The following YAP1 variants were observed in gnomAD, a reference collection of about 807,000 sequenced individuals.
YAP1 encodes the protein transcriptional coactivator YAP1.
A neutral mutation model predicts 56.9 loss-of-function variants in YAP1; 5 were observed. The ratio of observed to expected loss-of-function variants is 0.09; its 90% CI spans 0.05 to 0.18. YAP1 has a LOEUF of 0.18. YAP1 is among the 10% of genes least tolerant of loss of function. The probability of loss-of-function intolerance (pLI) is 1.00; values close to 1 mark genes in which losing one functional copy is unlikely to be tolerated. For synonymous variants in YAP1, 265 were observed against 248.1 expected (o/e 1.07, Z -0.64); for missense variants, 539 against 651.8 (o/e 0.83, Z 1.88).
At chr11:102,162,235 T>C (rs1802854573) in intron 2 of YAP1, among the ~76,000 whole-genome samples, 1 of 152,212 alleles carries the variant, frequency 6.6e-6, no homozygotes, top group African/African-American at 2.4e-5. Flanking sequence ...CAGGCATAAC[T>C]TTTTCAGATG....
chr11:102,230,700 T>G lies in YAP1; in HGVS notation c.*760T>G, dbSNP rs185872675. The G allele has an allele frequency of 1.0e-3, 154 of 152,252 alleles. No individual in the cohort carries two copies. The highest frequency in any genetic ancestry group is 1.4e-3 in the Non-Finnish European group (98 of 67,952). 9.4% of individuals were successfully genotyped at this position (152,252 alleles called of 1,614,324 possible). On this transcript the variant is annotated 3_prime_UTR_variant, in exon 9 of 9. Coordinates refer to ENST00000282441, the MANE Select transcript of YAP1 (RefSeq NM_001130145.3). ...TTTTTGGCAGGGTCGGTGGGGGGGT[T>G]GGTTGGTTGGTTGGTTTTGTCGGAA...
rs542951358 is a variant in YAP1 at position 102,110,751 on chromosome 11, C to T, written c.-98C>T. On this transcript the variant is annotated 5_prime_UTR_variant, in exon 1 of 9. Transcript: ENST00000282441. ...AGGACAGCGCCGCCCGGCCCGCAGC[C>T]GTCGCCGCTTCTCCACCTCGGCCCG... is the stretch of plus-strand genomic sequence containing the variant. 2.3e-5 allele frequency: 26 copies of T among 1,119,396 alleles called. No homozygotes were observed. The highest frequency in any genetic ancestry group is 2.3e-4 in the East Asian group (6 of 26,622). 69.3% of individuals were successfully genotyped at this position (1,119,396 alleles called of 1,614,324 possible).
intron 2 of YAP1, among the ~76,000 whole-genome samples, chr11:102,138,118 C>T (rs1398465520): frequency 6.6e-6 from 1 of 152,120 alleles, no homozygotes; most frequent in Admixed American, 6.5e-5. Flanking sequence ...AACTCCTGAC[C>T]CTGTGATCCG....
intron 4 of YAP1, among the ~76,000 whole-genome samples, chr11:102,188,883 TAA>T (rs1217319800): frequency 6.6e-6 from 1 of 152,194 alleles, no homozygotes; most frequent in Non-Finnish European, 1.5e-5. Flanking sequence ...TTTTAGGGAA[TAA>T]AAGAGTAATT....
intron 3 of YAP1, among the ~76,000 whole-genome samples, chr11:102,175,532 T>C (rs1297425297): frequency 6.6e-6 from 1 of 152,262 alleles, no homozygotes; most frequent in Non-Finnish European, 1.5e-5. Context: ...CATGTATTGC[T>C]TAATGACTGG....
rs116990751 is a variant in YAP1, at chr11:102,229,698, C to G, written c.1277-4C>G. ...ACTTTGTTATCTCTGTGTGTTTCCA[C>G]TAGGTGATACTATCAACCAAAGCAC... On this transcript the variant is annotated splice_region_variant and splice_polypyrimidine_tract_variant and intron_variant, in intron 8 of 8. Coordinates refer to ENST00000282441, the MANE Select transcript of YAP1 (RefSeq NM_001130145.3). 1 of 1,611,750 alleles carries G rather than the reference C, an allele frequency of 6.2e-7. No individual in the cohort carries two copies. The highest frequency in any genetic ancestry group is 8.5e-7 in the Non-Finnish European group (1 of 1,177,964).
chr11:102,133,317 A>G (rs938234825), intron 2 of YAP1, among the ~76,000 whole-genome samples: 10 of 152,030 alleles, frequency 6.6e-5, no homozygotes, highest in African/African-American at 2.2e-4. Flanking sequence ...TTTTTTTGGG[A>G]CAGAGTCTCA....
intron 2 of YAP1, among the ~76,000 whole-genome samples, chr11:102,156,414 G>A (rs1443554656): frequency 6.6e-6 from 1 of 152,142 alleles, no homozygotes; most frequent in Non-Finnish European, 1.5e-5. Flanking sequence ...TTTTGATGCA[G>A]GTTGTTTGGG....
rs532442192 is a variant in YAP1, at chr11:102,200,516, C to T, written c.803-5377C>T. Among the ~76,000 whole-genome samples the T allele has an allele frequency of 2.8e-4, 42 of 150,622 alleles. 2 individuals carry two copies. The highest frequency in any genetic ancestry group is 2.1e-3 in the Admixed American group (31 of 15,068). On this transcript the variant is annotated intron_variant, in intron 4 of 8. Transcript: ENST00000282441. Reference sequence around the variant, plus strand: ...CTGGAGTGCAATGATGCAATCTCAGCGTGCTGCAACCTCTGCCCCCCGTGT... The same window carrying T: ...CTGGAGTGCAATGATGCAATCTCAGTGTGCTGCAACCTCTGCCCCCCGTGT...
intron 2 of YAP1, among the ~76,000 whole-genome samples, chr11:102,134,480 T>C (rs1944556031): frequency 6.8e-6 from 1 of 148,126 alleles, no homozygotes; most frequent in Non-Finnish European, 1.5e-5. Context: ...TGAAAAATTA[T>C]ATATATTTAT....
chr11:102,209,377 C>A, intron 5 of YAP1, 140 bp from the exon 6 acceptor site: 1 of 747,132 alleles, frequency 1.3e-6, no homozygotes, highest in Non-Finnish European at 2.2e-6. Flanking sequence ...TGGCTCCTGT[C>A]TTCGTCAGTC....
At chr11:102,126,948 G>A (rs1033813159) in intron 2 of YAP1, among the ~76,000 whole-genome samples, 1 of 152,222 alleles carries the variant, frequency 6.6e-6, no homozygotes, top group African/African-American at 2.4e-5. Context: ...ACTGGTGGCA[G>A]TTTGCCCTTG....
At chr11:102,190,656 G>A (rs1160134282) in intron 4 of YAP1, among the ~76,000 whole-genome samples, 1 of 151,780 alleles carries the variant, frequency 6.6e-6, no homozygotes, top group African/African-American at 2.4e-5. Context: ...ATTAGTAACA[G>A]GCTGGATGCA....
At chr11:102,205,746 A>G (rs968866202) in intron 4 of YAP1, 147 bp from the exon 5 acceptor site, 1 of 629,264 alleles carries the variant, frequency 1.6e-6, no homozygotes, top group African/African-American at 1.9e-5. Flanking sequence ...AGTCATTGTG[A>G]TATTGATGGA....
At chr11:102,175,991 G>A (rs10501994) in intron 3 of YAP1, among the ~76,000 whole-genome samples, 4,542 of 152,186 alleles carry the variant, frequency 0.03, 219 homozygotes, top group African/African-American at 0.11. Flanking sequence ...GATTGTTTAA[G>A]GCATATATGG....
chr11:102,176,681 G>A (rs192486333), intron 3 of YAP1, among the ~76,000 whole-genome samples: 1 of 145,946 alleles, frequency 6.9e-6, no homozygotes, highest in Admixed American at 7.1e-5. Flanking sequence ...AGGAGGCGGA[G>A]GTTGCAGTGA....
chr11:102,168,451 G>A (rs957289306), intron 3 of YAP1, among the ~76,000 whole-genome samples: 2 of 149,032 alleles, frequency 1.3e-5, no homozygotes, highest in African/African-American at 5.2e-5. Context: ...AAGCCTAAAT[G>A]TCTTATTACA....
intron 3 of YAP1, among the ~76,000 whole-genome samples, chr11:102,167,145 A>G (rs533170495): frequency 2.6e-5 from 4 of 152,310 alleles, no homozygotes; most frequent in African/African-American, 9.6e-5. Context: ...ATAACTGAGA[A>G]TCACCCAAAA....
chr11:102,162,449 G>A lies in YAP1; in HGVS notation c.573-7G>A, dbSNP rs1946346870. 2 of 1,612,434 alleles carry A rather than the reference G, an allele frequency of 1.2e-6. No homozygotes were observed. The highest frequency in any genetic ancestry group is 1.7e-6 in the Non-Finnish European group (2 of 1,178,558). On this transcript the variant is annotated splice_polypyrimidine_tract_variant and splice_region_variant and intron_variant, in intron 2 of 8. Transcript: ENST00000282441. The stretch of plus-strand genomic sequence containing the variant: ...GTTTCCTAATGCAGTGGTTTGTTTT[G>A]TCTTAGTCACATCGATCAGACAACA...
Sources: allele counts gnomAD v4.1 joint callset (sites outside exome capture counted in the v4.1 genomes callset), GRCh38; gene constraint gnomAD v4.1.1; transcripts MANE v1.5; gene names NCBI Gene and HGNC (gene_info 2026-07-23, HGNC 2026-07-21).